The following SGSM2 variants were observed in gnomAD, a reference collection of about 807,000 sequenced individuals.
SGSM2 encodes RUN and TBC1 domain containing 1.
A neutral mutation model predicts 126.6 loss-of-function variants in SGSM2; 89 were observed. The ratio of observed to expected loss-of-function variants is 0.70; its 90% CI spans 0.59 to 0.84. The LOEUF (loss-of-function observed/expected upper bound fraction) is 0.84, where lower values mean the gene tolerates loss of function less well. SGSM2 is among the 40% of genes least tolerant of loss of function. The pLI is 0.00. For synonymous variants in SGSM2, 614 were observed against 574.3 expected (o/e 1.07, Z -0.99); for missense variants, 1,404 against 1,416.6 (o/e 0.99, Z 0.14).
chr17:2,340,788 G>T (rs565581790), intron 1 of SGSM2, among the ~76,000 whole-genome samples: 1 of 151,842 alleles, frequency 6.6e-6, no homozygotes, highest in Non-Finnish European at 1.5e-5. Context: ...GTTTCACCAT[G>T]TTAGCCAGGA....
chr17:2,360,074 G>A (rs1597348742), intron 2 of SGSM2, among the ~76,000 whole-genome samples: 1 of 152,362 alleles, frequency 6.6e-6, no homozygotes, highest in South Asian at 2.1e-4. Context: ...CGGGCGCGGT[G>A]CCTCACGCCT....
intron 22 of SGSM2, 24 bp downstream of exon 22, chr17:2,377,977 G>A: frequency 2.1e-6 from 3 of 1,456,848 alleles, no homozygotes; most frequent in Non-Finnish European, 2.9e-6. Flanking sequence ...TGGATCATGG[G>A]GCTGAGGTCA....
intron 22 of SGSM2, 136 bp from the exon 23 acceptor site, chr17:2,378,900 C>T (rs1301099345): frequency 2.6e-5 from 27 of 1,051,542 alleles, no homozygotes; most frequent in Middle Eastern, 2.7e-4. Context: ...GCAGCCAGTC[C>T]GGCCAGCATC....
In SGSM2 at chr17:2,372,974, C is replaced by G. The variant is rs1195563829; in HGVS notation, c.1810C>G (p.Leu604Val). Reference sequence around the variant, plus strand: ...TCAGAACTACAAAGAGCTGGAGCTGCTGCGGCAAGTTTACTACGGAGGCAT... The same window carrying G: ...TCAGAACTACAAAGAGCTGGAGCTGGTGCGGCAAGTTTACTACGGAGGCAT... ...DKKNYKELELLRQVYYGGIEH... is the reference protein window; with the variant it reads ...DKKNYKELELVRQVYYGGIEH... Residue 604 changes from leucine (L) to valine (V), a missense_variant, in exon 16 of 24, where the codon CTG (leucine) becomes GTG (valine). Leu to Val is a conservative substitution (Grantham distance 32). Coordinates refer to ENST00000268989, the MANE Select transcript of SGSM2 (RefSeq NM_014853.3). The surrounding 1 kb of genome is among the most constrained non-coding windows in gnomAD (Gnocchi z 6.0). 1 of 1,573,552 alleles carries G rather than the reference C, an allele frequency of 6.4e-7. No individual in the cohort carries two copies.
At chr17:2,369,513 C>T (rs537330401) in intron 12 of SGSM2, among the ~76,000 whole-genome samples, 1 of 152,328 alleles carries the variant, frequency 6.6e-6, no homozygotes, top group African/African-American at 2.4e-5. Context: ...CCTGTGCCCT[C>T]ACCCAGTCAC....
chr17:2,364,710 T>C, intron 9 of SGSM2, 47 bp downstream of exon 9: 1 of 1,606,010 alleles, frequency 6.2e-7, no homozygotes. Flanking sequence ...AGAGGCTGCC[T>C]TCTGCCAGCT....
At position 2,380,683 on chromosome 17, in the gene SGSM2, A is replaced by C; in HGVS notation, c.*1163A>C. 1.9e-5 allele frequency: 6 copies of C among 319,662 alleles called. No homozygotes were observed. The highest frequency in any genetic ancestry group is 2.4e-5 in the Non-Finnish European group (4 of 166,658). 19.8% of individuals were successfully genotyped at this position (319,662 alleles called of 1,614,324 possible). A position where few individuals can be genotyped will look rare whatever the true frequency, so the allele number is the denominator to read the frequency against. ...TCCCCACTTCCTCCTCTACCCCAAC[A>C]CATGCAGGCTAGGCCTTGCCCTGGA... On this transcript the variant is annotated 3_prime_UTR_variant, in exon 24 of 24. Coordinates refer to ENST00000268989, the MANE Select transcript of SGSM2 (RefSeq NM_014853.3).
Position 2,372,976 on chromosome 17 carries a change from G to A in SGSM2, c.1812G>A (p.Leu604=). ...AGAACTACAAAGAGCTGGAGCTGCT[G>A]CGGCAAGTTTACTACGGAGGCATAG... is the stretch of plus-strand genomic sequence containing the variant. ...DKKNYKELEL[L]RQVYYGGIEH... Residue 604 remains leucine, a synonymous_variant, in exon 16 of 24, where the codon CTG becomes CTA. Coordinates refer to ENST00000268989, the MANE Select transcript of SGSM2 (RefSeq NM_014853.3). This position sits in a 1 kb window ranked among gnomAD's most constrained non-coding sequence, Gnocchi z 6.0. 1 of 1,575,210 alleles carries A rather than the reference G, an allele frequency of 6.3e-7. No homozygotes were observed. Among genetic ancestry groups the A allele is most frequent in the Non-Finnish European group, 8.6e-7 (1 of 1,159,768 alleles).
chr17:2,368,060 C>T (rs906406632), intron 12 of SGSM2, among the ~76,000 whole-genome samples: 5 of 152,186 alleles, frequency 3.3e-5, no homozygotes, highest in Admixed American at 6.5e-5. Context: ...GCCCCTGGTT[C>T]ACTGTGTGGT....
At position 2,363,569 on chromosome 17, in the gene SGSM2, C is replaced by G. The variant is rs751122987; in HGVS notation, c.777C>G (p.Leu259=). ...SLHQNSRTRL[L]YGKNHVLVQP... ...ACCAGAACTCACGGACGCGGCTGCT[C>G]TATGGCAAGAACCACGTGCTGGTGC... Residue 259 remains leucine (L), a synonymous_variant, in exon 7 of 24, where the codon CTC becomes CTG. Transcript: ENST00000268989. The surrounding 1 kb of genome is among the most constrained non-coding windows in gnomAD (Gnocchi z 4.2). 50 of 1,613,262 alleles carry G rather than the reference C, an allele frequency of 3.1e-5. No homozygotes were observed. In the South Asian group the frequency reaches 5.5e-4, roughly 18 times the overall value.
At chr17:2,351,191 T>G (rs1211917348) in intron 2 of SGSM2, among the ~76,000 whole-genome samples, 1 of 151,488 alleles carries the variant, frequency 6.6e-6, no homozygotes, top group Non-Finnish European at 1.5e-5. Flanking sequence ...AGGCGGAGAT[T>G]GCAGTAAGCC....
At chr17:2,378,608 G>A (rs1057268426) in intron 22 of SGSM2, among the ~76,000 whole-genome samples, 2 of 152,138 alleles carry the variant, frequency 1.3e-5, no homozygotes, top group Admixed American at 6.5e-5. Flanking sequence ...GTGCCACTAG[G>A]GTTGACAGTT....
Position 2,379,690 on chromosome 17 carries a change from T to C in SGSM2, c.*170T>C. ...GGCAGTGCTGACCCTGCAGGGCAAG[T>C]CAGGGGCCAGGATGCCCTCGGATCA... On this transcript the variant is annotated 3_prime_UTR_variant, in exon 24 of 24. Coordinates refer to ENST00000268989, the MANE Select transcript of SGSM2 (RefSeq NM_014853.3). The C allele has an allele frequency of 1.4e-6, 2 of 1,425,888 alleles. No individual in the cohort carries two copies. The highest frequency in any genetic ancestry group is 3.0e-5 in the South Asian group (2 of 67,322). 88.3% of individuals were successfully genotyped at this position (1,425,888 alleles called of 1,614,324 possible). A position where few individuals can be genotyped will look rare whatever the true frequency, so the allele number is the denominator to read the frequency against.
chr17:2,338,737 A>G (rs2151455217), intron 1 of SGSM2, among the ~76,000 whole-genome samples: 1 of 148,702 alleles, frequency 6.7e-6, no homozygotes. Context: ...GTCTGGACCT[A>G]ATTCTGTGTG....
chr17:2,377,309 C>A lies in SGSM2; in HGVS notation c.2802+241C>A, dbSNP rs539304429. ...GACCAGCCTGGCCAACATCGTGAAA[C>A]CCCATCTCTACTAAAAATACAAAAA... On this transcript the variant is annotated intron_variant, in intron 21 of 23. Coordinates refer to ENST00000268989, the MANE Select transcript of SGSM2 (RefSeq NM_014853.3). The A allele has an allele frequency of 1.6e-4, 75 of 461,960 alleles. No individual in the cohort carries two copies. In the Middle Eastern group the frequency reaches 1.8e-3, roughly 11 times the overall value. The allele number at this position is 461,960 out of a possible 1,614,324, so 28.6% of individuals were successfully genotyped here.
At chr17:2,339,616 G>A (rs1567793650) in intron 1 of SGSM2, among the ~76,000 whole-genome samples, 2 of 150,452 alleles carry the variant, frequency 1.3e-5, no homozygotes, top group Non-Finnish European at 3.0e-5. Flanking sequence ...TGGGAGGCAG[G>A]AGAATGGCAT....
chr17:2,377,181 T>A, intron 21 of SGSM2, 113 bp downstream of exon 21: 1 of 692,530 alleles, frequency 1.4e-6, no homozygotes, highest in Non-Finnish European at 2.4e-6. Context: ...CTTAACTTCT[T>A]TCATTTTAAA....
In SGSM2 at chr17:2,361,693, C is replaced by A; in HGVS notation, c.190C>A (p.Arg64Ser). 1 of 1,613,982 alleles carries A rather than the reference C, an allele frequency of 6.2e-7. No homozygotes were observed. Among genetic ancestry groups the A allele is most frequent in the Non-Finnish European group, 8.5e-7 (1 of 1,180,018 alleles). Reference protein sequence around the residue: ...QLRRRAAGFLRSDKMAALFTK... With the variant: ...QLRRRAAGFLSSDKMAALFTK... ...GAGACGCCGTGCCGCTGGCTTCCTGCGCAGTGACAAGATGGCAGCCCTGTT... is the reference window on the plus strand; with the variant it reads ...GAGACGCCGTGCCGCTGGCTTCCTGAGCAGTGACAAGATGGCAGCCCTGTT... The change falls in exon 3 of 24, where the codon CGC becomes AGC. Residue 64 changes from arginine to serine, a missense_variant. Coordinates refer to ENST00000268989, the MANE Select transcript of SGSM2 (RefSeq NM_014853.3).
At position 2,372,541 on chromosome 17, in the gene SGSM2, A is replaced by G; in HGVS notation, c.1788+53A>G. On this transcript the variant is annotated intron_variant, in intron 15 of 23. Coordinates refer to ENST00000268989, the MANE Select transcript of SGSM2 (RefSeq NM_014853.3). This position sits in a 1 kb window ranked among gnomAD's most constrained non-coding sequence, Gnocchi z 6.0. The stretch of plus-strand genomic sequence containing the variant: ...AGGTCGAGGGGCTGGGGCGGGCAGG[A>G]GTGAGGGCTTCAGGGTAAAATGTGC... 2 of 1,579,406 alleles carry G rather than the reference A, an allele frequency of 1.3e-6. No homozygotes were observed. Among genetic ancestry groups the G allele is most frequent in the Non-Finnish European group, 1.7e-6 (2 of 1,167,520 alleles).
Sources: allele counts gnomAD v4.1 joint callset (sites outside exome capture counted in the v4.1 genomes callset), GRCh38; gene constraint gnomAD v4.1.1; non-coding constraint Gnocchi (gnomAD v3.1); transcripts MANE v1.5; gene names NCBI Gene and HGNC (gene_info 2026-07-23, HGNC 2026-07-21).